The following DCK variants were observed in gnomAD, a reference collection of about 807,000 sequenced individuals.
The protein encoded by DCK is deoxyadenosine kinase.
DCK carries 23 observed loss-of-function variants against 38.3 expected under a neutral mutation model. The ratio of observed to expected loss-of-function variants is 0.60; its 90% CI spans 0.43 to 0.85. DCK has a LOEUF of 0.85. DCK is among the 40% of genes least tolerant of loss of function. DCK has a pLI of 0.00. For missense variants in DCK, 259 were observed against 304.4 expected (o/e 0.85, Z 1.11); for synonymous variants, 108 against 100.6 (o/e 1.07, Z -0.44).
intron 2 of DCK, among the ~76,000 whole-genome samples, chr4:71,014,215 CT>C (rs1342485272): frequency 6.6e-6 from 1 of 152,186 alleles, no homozygotes; most frequent in African/African-American, 2.4e-5. Flanking sequence ...ACAACAAGAG[CT>C]AACTATCCTA....
chr4:71,017,012 G>A (rs945609683), intron 2 of DCK, among the ~76,000 whole-genome samples: 1 of 152,050 alleles, frequency 6.6e-6, no homozygotes, highest in African/African-American at 2.4e-5. Flanking sequence ...CAGAATGGGA[G>A]AAAATTTTTG....
chr4:71,012,556 T>A (rs1028327239), intron 2 of DCK, among the ~76,000 whole-genome samples: 3 of 152,170 alleles, frequency 2.0e-5, no homozygotes, highest in African/African-American at 7.2e-5. Context: ...TGGGTACCCC[T>A]CTGAGACGAA....
At chr4:71,021,878 T>G (rs1443756379) in intron 2 of DCK, among the ~76,000 whole-genome samples, 4 of 152,210 alleles carry the variant, frequency 2.6e-5, no homozygotes, top group Admixed American at 2.6e-4. Context: ...GGCACGCGCC[T>G]GTAGTCCCAG....
At chr4:71,017,785 G>T (rs1479365398) in intron 2 of DCK, among the ~76,000 whole-genome samples, 33 of 117,498 alleles carry the variant, frequency 2.8e-4, no homozygotes, top group African/African-American at 8.3e-4. Flanking sequence ...GTTGTGGGGT[G>T]GGGGGAGGGG....
chr4:71,001,338 G>A (rs544094567), intron 2 of DCK, among the ~76,000 whole-genome samples: 2 of 152,238 alleles, frequency 1.3e-5, no homozygotes, highest in Admixed American at 6.5e-5. Context: ...GGATGAAGCC[G>A]ACTTGATCGT....
At chr4:71,026,881 G>T in intron 6 of DCK, 126 bp downstream of exon 6, 1 of 556,464 alleles carries the variant, frequency 1.8e-6, no homozygotes. Context: ...AAGAGCTTTA[G>T]AAGATTTTGG....
At chr4:70,996,555 TGTTA>T (rs999612281) in intron 1 of DCK, among the ~76,000 whole-genome samples, 2 of 152,216 alleles carry the variant, frequency 1.3e-5, no homozygotes, top group African/African-American at 2.4e-5. Flanking sequence ...ACTGAGACTT[TGTTA>T]GTTACTGTTC....
chr4:71,025,587 G>C (rs1740528188), intron 4 of DCK, among the ~76,000 whole-genome samples: 1 of 151,980 alleles, frequency 6.6e-6, no homozygotes, highest in Non-Finnish European at 1.5e-5. Flanking sequence ...TGTGTGGATG[G>C]ATACCAAAAA....
chr4:71,017,493 G>A (rs1049758919), intron 2 of DCK, among the ~76,000 whole-genome samples: 12 of 151,886 alleles, frequency 7.9e-5, no homozygotes, highest in African/African-American at 2.4e-4. Context: ...TGTTTATTGC[G>A]GCACTGTTCA....
intron 2 of DCK, among the ~76,000 whole-genome samples, chr4:71,006,565 C>T (rs1312168022): frequency 2.6e-5 from 4 of 151,818 alleles, no homozygotes; most frequent in Non-Finnish European, 5.9e-5. Flanking sequence ...CCCAGCACTT[C>T]GGGAGGCTGA....
At chr4:71,028,696 A>G in intron 6 of DCK, 1 of 443,572 alleles carries the variant, frequency 2.3e-6, no homozygotes, top group South Asian at 1.6e-5. Flanking sequence ...CCCAGGTTCA[A>G]CCAGTTCTGC....
At position 70,998,149 on chromosome 4, in the gene DCK, G is replaced by A. The variant is rs936222730; in HGVS notation, c.174G>A (p.Trp58Ter). The change falls in exon 2 of 7, where the codon TGG becomes TGA. Residue 58 changes from tryptophan (W) to a stop codon, truncating the protein, a stop_gained. Coordinates refer to ENST00000286648, the MANE Select transcript of DCK (RefSeq NM_000788.3). LOFTEE classifies it high-confidence loss of function. The part of the protein sequence containing the change: ...WEVVPEPVAR[W>*]CNVQSTQDEF... ...TGGTTCCTGAACCTGTTGCCAGATGGTGCAATGTTCAAAGTACTCAAGATG... is the reference window on the plus strand; with the variant it reads ...TGGTTCCTGAACCTGTTGCCAGATGATGCAATGTTCAAAGTACTCAAGATG... The A allele has an allele frequency of 1.2e-6, 2 of 1,601,208 alleles. No individual in the cohort carries two copies. The highest frequency in any genetic ancestry group is 1.7e-5 in the Admixed American group (1 of 59,282).
At chr4:71,011,074 C>G (rs1740077741) in intron 2 of DCK, among the ~76,000 whole-genome samples, 1 of 151,662 alleles carries the variant, frequency 6.6e-6, no homozygotes, top group African/African-American at 2.4e-5. Flanking sequence ...GTAGCTGGAG[C>G]TGGGATTACA....
chr4:71,014,592 AC>A (rs201769235), intron 2 of DCK, among the ~76,000 whole-genome samples: 125,606 of 152,160 alleles, frequency 0.83, 55,496 homozygotes, highest in Non-Finnish European at 0.97. Flanking sequence ...GTGCAATCGA[AC>A]CTAGAACTCA....
Position 71,030,389 on chromosome 4 carries a change from T to C in DCK, c.*1011T>C, listed in dbSNP as rs900410591. ...ACGTTTTAGAAAATTTTATGTATTT[T>C]AAAATAAGGGGAAGAGTCATTTTCA... On this transcript the variant is annotated 3_prime_UTR_variant, in exon 7 of 7. Transcript: ENST00000286648. 1 of 152,176 alleles carries C rather than the reference T, an allele frequency of 6.6e-6. No homozygotes were observed. Among genetic ancestry groups the C allele is most frequent in the Non-Finnish European group, 1.5e-5 (1 of 67,998 alleles). The allele number at this position is 152,176 out of a possible 1,614,324, so 9.4% of individuals were successfully genotyped here. A position where few individuals can be genotyped will look rare whatever the true frequency, so the allele number is the denominator to read the frequency against.
Position 71,029,560 on chromosome 4 carries a change from GTT to G in DCK, c.*191_*192del. The G allele has an allele frequency of 2.2e-6, 1 of 450,448 alleles. No homozygotes were observed. The highest frequency in any genetic ancestry group is 6.2e-4 in the Middle Eastern group (1 of 1,612). The allele number at this position is 450,448 out of a possible 1,614,324, so 27.9% of individuals were successfully genotyped here. Reference sequence around the variant, plus strand: ...CTTTTTGACCAGTTTCTTTTCTTTTGTTTTTTTTTTAAAAAAGACATTTAAAG... The same window carrying G: ...CTTTTTGACCAGTTTCTTTTCTTTTGTTTTTTTTAAAAAAGACATTTAAAG... On this transcript the variant is annotated 3_prime_UTR_variant, in exon 7 of 7. Transcript: ENST00000286648.
At chr4:71,005,560 G>T (rs1398183845) in intron 2 of DCK, among the ~76,000 whole-genome samples, 4 of 148,418 alleles carry the variant, frequency 2.7e-5, no homozygotes, top group Admixed American at 2.0e-4. Flanking sequence ...AGGCTGGAGT[G>T]CAATGGCTCG....
At chr4:70,994,346 C>T (rs1739610470) in intron 1 of DCK, among the ~76,000 whole-genome samples, 1 of 152,210 alleles carries the variant, frequency 6.6e-6, no homozygotes, top group Non-Finnish European at 1.5e-5. Context: ...ACATTTTCAT[C>T]ACCTTAGAAA....
chr4:71,005,184 CACCATCCCT>C (rs2148913711), intron 2 of DCK, among the ~76,000 whole-genome samples: 2 of 152,190 alleles, frequency 1.3e-5, no homozygotes, highest in South Asian at 4.1e-4. Context: ...GGCTGGATAG[CACCATCCCT>C]CAAGGCTTCC....
Sources: allele counts gnomAD v4.1 joint callset (sites outside exome capture counted in the v4.1 genomes callset), GRCh38; gene constraint gnomAD v4.1.1; transcripts MANE v1.5; gene names NCBI Gene and HGNC (gene_info 2026-07-23, HGNC 2026-07-21).